PSD3: variants seen among roughly 807,000 people sequenced by gnomAD.
The protein encoded by PSD3 is pleckstrin and Sec7 domain containing 3.
Under a neutral mutation model 105.5 loss-of-function variants are expected in PSD3, and 49 were observed. That is an observed-to-expected ratio of 0.46 (90% CI 0.37 to 0.59). The LOEUF (loss-of-function observed/expected upper bound fraction) is 0.59. Ranked by LOEUF, PSD3 falls within the 20% of genes least tolerant of loss-of-function variation. The probability of loss-of-function intolerance (pLI) is 0.00; values close to 1 mark genes in which losing one functional copy is unlikely to be tolerated. For missense variants in PSD3, 1,561 were observed against 1,263.8 expected (o/e 1.24, Z -3.57); for synonymous variants, 557 against 457.8 (o/e 1.22, Z -2.77).
chr8:18,752,482 T>TA (rs1381560632), intron 9 of PSD3, among the ~76,000 whole-genome samples: 6 of 38,620 alleles, frequency 1.6e-4, no homozygotes, highest in African/African-American at 4.8e-4. Flanking sequence ...ATATATATTA[T>TA]TATATATATA....
At chr8:19,011,053 T>G (rs188071742) in intron 1 of PSD3, among the ~76,000 whole-genome samples, 3 of 151,950 alleles carry the variant, frequency 2.0e-5, no homozygotes, top group East Asian at 3.9e-4. Flanking sequence ...CTGACCCAAC[T>G]TCAATCATGT....
chr8:18,964,246 T>G (rs892501978), intron 1 of PSD3, among the ~76,000 whole-genome samples: 2 of 152,084 alleles, frequency 1.3e-5, no homozygotes, highest in African/African-American at 4.8e-5. Context: ...ACCTCAGCCA[T>G]CCCAGTAGCT....
At chr8:18,685,896 G>T (rs1800636818) in intron 9 of PSD3, among the ~76,000 whole-genome samples, 1 of 152,176 alleles carries the variant, frequency 6.6e-6, no homozygotes, top group African/African-American at 2.4e-5. Flanking sequence ...CTGCCTCTGT[G>T]TGGGGATAAA....
At chr8:18,971,257 C>T (rs1054513208) in intron 1 of PSD3, among the ~76,000 whole-genome samples, 1 of 152,082 alleles carries the variant, frequency 6.6e-6, no homozygotes, top group East Asian at 1.9e-4. Flanking sequence ...CTGGGAGGGC[C>T]GGACACCCAG....
intron 15 of PSD3, among the ~76,000 whole-genome samples, chr8:18,551,739 G>T (rs1237836505): frequency 1.3e-5 from 2 of 152,186 alleles, no homozygotes; most frequent in Non-Finnish European, 1.5e-5. Context: ...TTTGGTTTCA[G>T]TCATGAGGGA....
In PSD3 at chr8:18,872,104, C is replaced by T. The variant is rs972496797; in HGVS notation, c.760G>A (p.Gly254Arg). The T allele has an allele frequency of 8.1e-6, 13 of 1,613,932 alleles. No individual in the cohort carries two copies. The African/African-American group carries it at 1.3e-4, about 17-fold the overall frequency. The change falls in exon 3 of 16, where the codon GGG becomes AGG. Residue 254 changes from glycine to arginine, a missense_variant. Gly to Arg is a moderately radical substitution (Grantham distance 125, BLOSUM62 -2). Coordinates refer to ENST00000327040, the MANE Select transcript of PSD3 (RefSeq NM_015310.4). ...GAGTGGCAGGTCACTGCTGAGCTCC[C>T]GAGGGAGGCCAAAGGACAAGATGGC... Reference protein sequence around the residue: ...QEPSCPLASLGSSAVTCHSAG... With the variant: ...QEPSCPLASLRSSAVTCHSAG...
At chr8:19,071,335 T>G (rs1433132238) in intron 1 of PSD3, among the ~76,000 whole-genome samples, 1 of 152,148 alleles carries the variant, frequency 6.6e-6, no homozygotes, top group South Asian at 2.1e-4. Context: ...CCTAATCTTT[T>G]TTTATTCTTT....
chr8:18,544,312 C>G (rs1264862272), intron 15 of PSD3, among the ~76,000 whole-genome samples: 1 of 151,990 alleles, frequency 6.6e-6, no homozygotes, highest in Non-Finnish European at 1.5e-5. Flanking sequence ...CTCTCCTTGA[C>G]CAGGTGGCCC....
At chr8:18,859,020 C>G (rs1342059446) in intron 4 of PSD3, among the ~76,000 whole-genome samples, 1 of 152,112 alleles carries the variant, frequency 6.6e-6, no homozygotes, top group Non-Finnish European at 1.5e-5. Context: ...AGAGGAATCA[C>G]TATCTATAGT....
intron 15 of PSD3, among the ~76,000 whole-genome samples, chr8:18,541,889 T>C (rs1044894221): frequency 1.8e-4 from 27 of 152,002 alleles, no homozygotes; most frequent in African/African-American, 6.0e-4. Flanking sequence ...TAGCTGGGAT[T>C]ACAGGTATGC....
intron 12 of PSD3, among the ~76,000 whole-genome samples, chr8:18,590,175 T>C (rs1019797187): frequency 2.6e-5 from 4 of 152,178 alleles, no homozygotes; most frequent in African/African-American, 9.7e-5. Flanking sequence ...ATCTCATATA[T>C]GGCATTATTA....
intron 3 of PSD3, among the ~76,000 whole-genome samples, chr8:18,868,695 A>G (rs1425616595): frequency 5.3e-5 from 8 of 152,238 alleles, no homozygotes; most frequent in Non-Finnish European, 2.9e-5. Flanking sequence ...ACAGCTCAAA[A>G]GTCAACATAC....
chr8:19,075,570 C>G (rs889396995), intron 1 of PSD3, among the ~76,000 whole-genome samples: 1 of 152,210 alleles, frequency 6.6e-6, no homozygotes, highest in African/African-American at 2.4e-5. Flanking sequence ...CAAGCTTTTT[C>G]CTCTTTCACC....
intron 12 of PSD3, among the ~76,000 whole-genome samples, chr8:18,598,833 C>G (rs1217743245): frequency 1.3e-5 from 2 of 151,918 alleles, no homozygotes; most frequent in East Asian, 3.9e-4. Context: ...TAAACATGAT[C>G]AAGAAGGCAA....
chr8:18,830,010 G>A (rs1428294300), intron 4 of PSD3, among the ~76,000 whole-genome samples: 1 of 151,818 alleles, frequency 6.6e-6, no homozygotes, highest in South Asian at 2.1e-4. Flanking sequence ...CTTTGTCAGC[G>A]AGCCTGGAGC....
intron 11 of PSD3, among the ~76,000 whole-genome samples, chr8:18,615,398 A>G (rs1000618812): frequency 9.9e-5 from 15 of 152,230 alleles, no homozygotes. Flanking sequence ...GGCCACGGGC[A>G]TCAGGGATAA....
At chr8:18,820,594 G>A (rs887664797) in intron 4 of PSD3, among the ~76,000 whole-genome samples, 1 of 151,972 alleles carries the variant, frequency 6.6e-6, no homozygotes. Context: ...TTTATTGTTT[G>A]GGGAATAATG....
intron 11 of PSD3, among the ~76,000 whole-genome samples, chr8:18,601,534 C>T (rs1804440819): frequency 1.3e-5 from 2 of 152,134 alleles, no homozygotes; most frequent in Admixed American, 1.3e-4. Flanking sequence ...TAGCCACTTA[C>T]AGAACACAGG....
chr8:18,833,122 T>C (rs529809737), intron 4 of PSD3, among the ~76,000 whole-genome samples: 4 of 152,256 alleles, frequency 2.6e-5, no homozygotes, highest in East Asian at 1.9e-4. Flanking sequence ...ATAGAACACA[T>C]AGCCTAGTCT....
Sources: gnomAD v4.1 joint callset for allele counts (sites outside exome capture counted in the v4.1 genomes callset) on GRCh38, gnomAD v4.1.1 for gene constraint, MANE v1.5 for transcripts, NCBI Gene and HGNC (gene_info 2026-07-23, HGNC 2026-07-21) for gene names.